The following CCDC50 variants were observed in gnomAD, a reference collection of about 807,000 sequenced individuals.
CCDC50 encodes the protein coiled-coil domain containing 50, also known as coiled-coil domain-containing protein 50.
A neutral mutation model predicts 70.2 loss-of-function variants in CCDC50; 54 were observed. The observed-to-expected ratio is 0.77, with a 90% confidence interval of 0.62 to 0.96. The LOEUF (loss-of-function observed/expected upper bound fraction) is 0.96, where lower values mean the gene tolerates loss of function less well. Ranked by LOEUF, CCDC50 falls within the 50% of genes least tolerant of loss-of-function variation. The pLI is 0.00. For missense variants in CCDC50, 558 were observed against 578.7 expected (o/e 0.96, Z 0.37); for synonymous variants, 216 against 198.8 (o/e 1.09, Z -0.73).
intron 1 of CCDC50, among the ~76,000 whole-genome samples, chr3:191,344,718 A>T (rs1051961611): frequency 6.6e-6 from 1 of 152,136 alleles, no homozygotes; most frequent in Non-Finnish European, 1.5e-5. Context: ...AGCTGGGACT[A>T]CAGGCACATA....
intron 1 of CCDC50, among the ~76,000 whole-genome samples, chr3:191,337,068 G>A (rs75234308): frequency 0.011 from 1,646 of 149,972 alleles, 20 homozygotes; most frequent in African/African-American, 0.039. Context: ...TTTACATATT[G>A]TCTTTGTCTG....
In CCDC50 at chr3:191,394,698, C is replaced by T. The variant is rs1020873825; in HGVS notation, c.*2938C>T. Reference sequence around the variant, plus strand: ...TTATCATAAGGCTGCTTGACATAGACACCCACTCTCCTCCACATTTTATAA... The same window carrying T: ...TTATCATAAGGCTGCTTGACATAGATACCCACTCTCCTCCACATTTTATAA... On this transcript the variant is annotated 3_prime_UTR_variant, in exon 12 of 12. Coordinates refer to ENST00000392455, the MANE Select transcript of CCDC50 (RefSeq NM_178335.3). The T allele has an allele frequency of 6.6e-6, 1 of 152,120 alleles. No homozygotes were observed. The highest frequency in any genetic ancestry group is 2.4e-5 in the African/African-American group (1 of 41,432). The allele number at this position is 152,120 out of a possible 1,614,324, so 9.4% of individuals were successfully genotyped here. A position where few individuals can be genotyped will look rare whatever the true frequency, so the allele number is the denominator to read the frequency against.
At chr3:191,370,592 AGTTG>A (rs1156273652) in intron 5 of CCDC50, among the ~76,000 whole-genome samples, 4 of 151,296 alleles carry the variant, frequency 2.6e-5, no homozygotes, top group African/African-American at 9.7e-5. Flanking sequence ...AGGCTCAAGC[AGTTG>A]TCCTCCCTCA....
chr3:191,337,321 A>G (rs1427883187), intron 1 of CCDC50, among the ~76,000 whole-genome samples: 4 of 152,188 alleles, frequency 2.6e-5, no homozygotes, highest in Non-Finnish European at 5.9e-5. Context: ...ATTATTGTTG[A>G]TTGAACTCTT....
chr3:191,366,788 G>A (rs1478758411), intron 4 of CCDC50, among the ~76,000 whole-genome samples: 6 of 151,978 alleles, frequency 3.9e-5, no homozygotes, highest in African/African-American at 1.5e-4. Context: ...TTTGAGGCCA[G>A]TGTTCTCAGG....
chr3:191,391,140 G>A (rs544221281), intron 11 of CCDC50, among the ~76,000 whole-genome samples: 1 of 152,244 alleles, frequency 6.6e-6, no homozygotes, highest in East Asian at 1.9e-4. Context: ...AATTGATGCT[G>A]TTTATTTGTT....
intron 4 of CCDC50, 107 bp downstream of exon 4, chr3:191,361,266 A>G (rs574016515): frequency 1.3e-6 from 1 of 773,762 alleles, no homozygotes; most frequent in East Asian, 2.7e-5. Context: ...CTGAATGGGA[A>G]GCAGAATGCC....
At chr3:191,364,519 TCCTGGTTAGTTA>T (rs1437731402) in intron 4 of CCDC50, among the ~76,000 whole-genome samples, 1 of 151,986 alleles carries the variant, frequency 6.6e-6, no homozygotes, top group African/African-American at 2.4e-5. Flanking sequence ...GGGTCAATTT[TCCTGGTTAGTTA>T]CCACCCCATA....
Position 191,398,307 on chromosome 3 carries a change from A to C in CCDC50, c.*6547A>C, listed in dbSNP as rs1713927995. 6.6e-6 allele frequency: 1 copy of C among 152,216 alleles called. No homozygotes were observed. The highest frequency in any genetic ancestry group is 6.5e-5 in the Admixed American group (1 of 15,276). The allele number at this position is 152,216 out of a possible 1,614,324, so 9.4% of individuals were successfully genotyped here. Reference sequence around the variant, plus strand: ...TTTAAACATCAGGTTTAATATTGATATTATGAATAATTTTTAAACCAAAGT... The same window carrying C: ...TTTAAACATCAGGTTTAATATTGATCTTATGAATAATTTTTAAACCAAAGT... On this transcript the variant is annotated 3_prime_UTR_variant, in exon 12 of 12. Coordinates refer to ENST00000392455, the MANE Select transcript of CCDC50 (RefSeq NM_178335.3).
At chr3:191,354,744 C>G (rs1048097441) in intron 1 of CCDC50, among the ~76,000 whole-genome samples, 1 of 152,056 alleles carries the variant, frequency 6.6e-6, no homozygotes, top group African/African-American at 2.4e-5. Flanking sequence ...ATACTAGTCC[C>G]TTCGTATTTG....
chr3:191,376,979 T>A (rs920370066), intron 6 of CCDC50, among the ~76,000 whole-genome samples: 1 of 152,090 alleles, frequency 6.6e-6, no homozygotes, highest in Non-Finnish European at 1.5e-5. Flanking sequence ...TTAGTTATGC[T>A]CCAGGATATT....
chr3:191,369,267 A>G (rs1712813790), intron 4 of CCDC50, among the ~76,000 whole-genome samples: 1 of 152,084 alleles, frequency 6.6e-6, no homozygotes, highest in Non-Finnish European at 1.5e-5. Flanking sequence ...GGCATTTACA[A>G]TTTAATTTTA....
At chr3:191,370,619 G>A (rs1358603188) in intron 5 of CCDC50, among the ~76,000 whole-genome samples, 1 of 151,666 alleles carries the variant, frequency 6.6e-6, no homozygotes, top group Non-Finnish European at 1.5e-5. Context: ...CTCCCAAGTA[G>A]TTAGAAATAC....
chr3:191,382,770 T>G lies in CCDC50; in HGVS notation c.1267T>G (p.Ser423Ala), dbSNP rs1280784683. The G allele has an allele frequency of 1.2e-6, 2 of 1,612,908 alleles. No homozygotes were observed. The highest frequency in any genetic ancestry group is 1.7e-6 in the Non-Finnish European group (2 of 1,179,156). Residue 423 changes from serine to alanine, a missense_variant, in exon 10 of 12, where the codon TCC (serine) becomes GCC (alanine). Coordinates refer to ENST00000392455, the MANE Select transcript of CCDC50 (RefSeq NM_178335.3). Reference protein sequence around the residue: ...WKPKTAKAANSKSKESDEPHH... With the variant: ...WKPKTAKAANAKSKESDEPHH... The stretch of plus-strand genomic sequence containing the variant: ...GCCAAAAACAGCTAAAGCAGCAAAT[T>G]CCAAGTCAAAAGAGAGTGATGAACC...
rs1445901046 is a variant in CCDC50, at chr3:191,329,668, G to A, written c.-7G>A. The A allele has an allele frequency of 6.2e-7, 1 of 1,608,208 alleles. No individual in the cohort carries two copies. Among genetic ancestry groups the A allele is most frequent in the South Asian group, 1.1e-5 (1 of 89,642 alleles). ...CGTTAAAGGGGCAACCGGGACCCTGGCCCGGTATGGCTGAAGTCAGCATCG... is the reference window on the plus strand; with the variant it reads ...CGTTAAAGGGGCAACCGGGACCCTGACCCGGTATGGCTGAAGTCAGCATCG... On this transcript the variant is annotated 5_prime_UTR_variant, in exon 1 of 12. Coordinates refer to ENST00000392455, the MANE Select transcript of CCDC50 (RefSeq NM_178335.3).
intron 1 of CCDC50, among the ~76,000 whole-genome samples, chr3:191,334,929 CTGTAGGAAG>C (rs1204123077): frequency 6.6e-6 from 1 of 152,080 alleles, no homozygotes; most frequent in East Asian, 1.9e-4. Context: ...ACTGAGTGAA[CTGTAGGAAG>C]TCACACTCTT....
chr3:191,382,451 T>A (rs1010580658), intron 9 of CCDC50, among the ~76,000 whole-genome samples: 7 of 152,162 alleles, frequency 4.6e-5, no homozygotes, highest in African/African-American at 1.4e-4. Flanking sequence ...GGGAAGCATG[T>A]TCCTGTGTGT....
In CCDC50 at chr3:191,361,073, C is replaced by A. The variant is rs1242325662; in HGVS notation, c.244C>A (p.Gln82Lys). The A allele has an allele frequency of 6.2e-7, 1 of 1,612,580 alleles. No homozygotes were observed. The highest frequency in any genetic ancestry group is 1.1e-5 in the South Asian group (1 of 91,052). The change falls in exon 4 of 12, where the codon CAA becomes AAA. Residue 82 changes from glutamine (Q) to lysine (K), a missense_variant. Gln to Lys is a moderately conservative substitution (Grantham distance 53). Coordinates refer to ENST00000392455, the MANE Select transcript of CCDC50 (RefSeq NM_178335.3). The stretch of plus-strand genomic sequence containing the variant: ...GTTTTCACCTTTGCTTTTTAGTGAA[C>A]AACAAGACTGTGAAATTGCTCAGGA... Reference protein sequence around the residue: ...QLQKRYKDLEQQDCEIAQEIQ... With the variant: ...QLQKRYKDLEKQDCEIAQEIQ...
At chr3:191,364,942 T>C (rs1340392931) in intron 4 of CCDC50, among the ~76,000 whole-genome samples, 1 of 152,144 alleles carries the variant, frequency 6.6e-6, no homozygotes, top group African/African-American at 2.4e-5. Flanking sequence ...CTAGGCTCCC[T>C]GTTGGAAGGA....
Sources: gnomAD v4.1 joint callset for allele counts (sites outside exome capture counted in the v4.1 genomes callset) on GRCh38, gnomAD v4.1.1 for gene constraint, MANE v1.5 for transcripts, NCBI Gene and HGNC (gene_info 2026-07-23, HGNC 2026-07-21) for gene names.